The following PALM2AKAP2 variants were observed in gnomAD, a reference collection of about 807,000 sequenced individuals.
The protein encoded by PALM2AKAP2 is PALM2 and AKAP2 fusion, also known as PALM2-AKAP2 fusion protein.
A neutral mutation model predicts 71.5 loss-of-function variants in PALM2AKAP2; 37 were observed. The ratio of observed to expected loss-of-function variants is 0.52; its 90% confidence interval spans 0.40 to 0.68. The LOEUF (loss-of-function observed/expected upper bound fraction) is 0.68. PALM2AKAP2 is among the 30% of genes least tolerant of loss of function. The pLI is 0.00. For synonymous variants in PALM2AKAP2, 468 were observed against 478.8 expected (o/e 0.98, Z 0.29); for missense variants, 1,224 against 1,191.8 (o/e 1.03, Z -0.40).
At chr9:109,735,962 C>T (rs140317769) in intron 1 of PALM2AKAP2, among the ~76,000 whole-genome samples, 1 of 152,292 alleles carries the variant, frequency 6.6e-6, no homozygotes, top group Non-Finnish European at 1.5e-5. Context: ...AGAAGAAAGC[C>T]AAGTAGGCGT....
intron 1 of PALM2AKAP2, among the ~76,000 whole-genome samples, chr9:110,114,954 C>A (rs530913698): frequency 6.6e-6 from 1 of 152,306 alleles, no homozygotes; most frequent in South Asian, 2.1e-4. Context: ...GAGCACATTT[C>A]TTTGCACAAA....
intron 1 of PALM2AKAP2, among the ~76,000 whole-genome samples, chr9:110,131,462 T>G (rs1463886366): frequency 6.6e-6 from 1 of 152,252 alleles, no homozygotes; most frequent in African/African-American, 2.4e-5. Context: ...GTTCGCCTAA[T>G]TTGAAGCATG....
intron 6 of PALM2AKAP2, chr9:109,943,195 A>G: frequency 6.2e-7 from 1 of 1,614,234 alleles, no homozygotes; most frequent in Non-Finnish European, 8.5e-7. Context: ...TGATGAAACC[A>G]TCAAGGCTGA....
chr9:109,968,069 AAATG>A (rs1158839412), intron 6 of PALM2AKAP2, among the ~76,000 whole-genome samples: 2 of 152,226 alleles, frequency 1.3e-5, no homozygotes, highest in South Asian at 2.1e-4. Flanking sequence ...GGGAATGAAT[AAATG>A]AATGAATGAA....
At chr9:110,120,748 G>A (rs1835468194) in intron 1 of PALM2AKAP2, among the ~76,000 whole-genome samples, 1 of 152,164 alleles carries the variant, frequency 6.6e-6, no homozygotes, top group Non-Finnish European at 1.5e-5. Context: ...CAGGTGATTT[G>A]CCTGGCTTGG....
intron 3 of PALM2AKAP2, among the ~76,000 whole-genome samples, chr9:109,910,280 G>T (rs61650039): frequency 6.6e-6 from 1 of 152,146 alleles, no homozygotes; most frequent in Non-Finnish European, 1.5e-5. Context: ...CAGCTCTATG[G>T]AGAAAGATGA....
At chr9:110,083,062 A>C (rs1834483885) in intron 1 of PALM2AKAP2, among the ~76,000 whole-genome samples, 1 of 152,158 alleles carries the variant, frequency 6.6e-6, no homozygotes, top group African/African-American at 2.4e-5. Context: ...AATCACTTGA[A>C]CCTGGGAGGC....
At chr9:109,842,796 C>T (rs1318218720) in intron 1 of PALM2AKAP2, among the ~76,000 whole-genome samples, 1 of 152,106 alleles carries the variant, frequency 6.6e-6, no homozygotes, top group Non-Finnish European at 1.5e-5. Flanking sequence ...GGGAGGATCA[C>T]TTGAGGCCAG....
At chr9:109,736,131 A>G (rs2118672029) in intron 1 of PALM2AKAP2, among the ~76,000 whole-genome samples, 1 of 152,332 alleles carries the variant, frequency 6.6e-6, no homozygotes, top group Non-Finnish European at 1.5e-5. Context: ...CACAGGCACA[A>G]CGACGGTTAA....
At chr9:109,772,901 G>A (rs568100594) in intron 1 of PALM2AKAP2, among the ~76,000 whole-genome samples, 5 of 152,272 alleles carry the variant, frequency 3.3e-5, no homozygotes, top group Non-Finnish European at 5.9e-5. Context: ...GGCGGATCAC[G>A]AGGTCAGGAG....
intron 5 of PALM2AKAP2, among the ~76,000 whole-genome samples, chr9:109,927,927 G>A (rs1190425554): frequency 1.3e-5 from 2 of 152,162 alleles, no homozygotes; most frequent in Non-Finnish European, 2.9e-5. Context: ...GCCAGAACAG[G>A]CAAAGGAAAA....
At chr9:109,839,924 A>T (rs1051037981) in intron 1 of PALM2AKAP2, among the ~76,000 whole-genome samples, 1 of 152,240 alleles carries the variant, frequency 6.6e-6, no homozygotes, top group Non-Finnish European at 1.5e-5. Context: ...AATATCGTGA[A>T]AATGGTCATA....
chr9:109,874,550 C>T (rs10980106), intron 2 of PALM2AKAP2, among the ~76,000 whole-genome samples: 31,196 of 152,094 alleles, frequency 0.21, 4,031 homozygotes, highest in Admixed American at 0.29. Context: ...TTGTCACCAT[C>T]ATCACCCAGT....
At chr9:110,138,209 C>A in exon 2 of PALM2AKAP2, 1 of 1,614,042 alleles carries the variant, frequency 6.2e-7, no homozygotes, top group Non-Finnish European at 8.5e-7. Context: ...GGGGCCCCCC[C>A]AGCCACTGCC....
intron 1 of PALM2AKAP2, 83 bp from the exon 8 acceptor site, chr9:110,136,044 T>C: frequency 6.8e-7 from 1 of 1,470,250 alleles, no homozygotes; most frequent in Non-Finnish European, 9.0e-7. Context: ...TTCCTTCCTC[T>C]TAATTATGAG....
intron 7 of PALM2AKAP2, among the ~76,000 whole-genome samples, chr9:110,038,114 A>T (rs1032890351): frequency 6.6e-6 from 1 of 152,298 alleles, no homozygotes; most frequent in South Asian, 2.1e-4. Flanking sequence ...TCAAGGTGGC[A>T]GGATCGCTTG....
chr9:110,138,171 CT>C lies in PALM2AKAP2; in HGVS notation c.2202del (p.Ala735LeufsTer45). 6.2e-7 allele frequency: 1 copy of C among 1,614,000 alleles called. No homozygotes were observed. Among genetic ancestry groups the C allele is most frequent in the Non-Finnish European group, 8.5e-7 (1 of 1,179,960 alleles). ...AGGGATGTATTACCAAAGATTCTGC[CT>C]GCTGAAGACAGGGCGCTCAGGGAAA... On this transcript the variant is annotated frameshift_variant, in exon 2 of 4. Transcript: ENST00000374525. LOFTEE classifies it high-confidence loss of function.
At chr9:110,088,376 T>C (rs1834619647) in intron 1 of PALM2AKAP2, among the ~76,000 whole-genome samples, 1 of 152,202 alleles carries the variant, frequency 6.6e-6, no homozygotes, top group Admixed American at 6.5e-5. Flanking sequence ...GCAGTGAAGT[T>C]ACAAAGTTAT....
At chr9:110,037,619 T>A (rs1046509769) in intron 7 of PALM2AKAP2, among the ~76,000 whole-genome samples, 2 of 152,118 alleles carry the variant, frequency 1.3e-5, no homozygotes, top group Non-Finnish European at 2.9e-5. Context: ...TAGGGTGAGA[T>A]AGACAAGAAA....
Sources: gnomAD v4.1 joint callset for allele counts (sites outside exome capture counted in the v4.1 genomes callset) on GRCh38, gnomAD v4.1.1 for gene constraint, MANE v1.5 for transcripts, NCBI Gene and HGNC (gene_info 2026-07-23, HGNC 2026-07-21) for gene names.